Variants in TOX observed in about 807,000 individuals in gnomAD.
The protein encoded by TOX is thymocyte selection associated high mobility group box, also known as thymocyte selection-associated high mobility group box protein TOX.
In TOX, 11 loss-of-function variants were observed where a neutral mutation model predicts 53.7. That is an observed-to-expected ratio of 0.20 (90% CI 0.13 to 0.34). The LOEUF (loss-of-function observed/expected upper bound fraction) is 0.34. Among genes scored for constraint, TOX ranks in the 10% least tolerant of loss-of-function variants. The pLI is 1.00. For synonymous variants in TOX, 225 were observed against 245.3 expected (o/e 0.92, Z 0.77); for missense variants, 570 against 664.6 (o/e 0.86, Z 1.56).
At chr8:58,863,635 CAAA>C (rs960059496) in intron 3 of TOX, among the ~76,000 whole-genome samples, 5 of 152,120 alleles carry the variant, frequency 3.3e-5, no homozygotes, top group Non-Finnish European at 7.4e-5. Flanking sequence ...GTTCTTTAAA[CAAA>C]AGATAGTTGG....
intron 1 of TOX, among the ~76,000 whole-genome samples, chr8:59,044,479 T>C (rs1332511706): frequency 6.6e-6 from 1 of 152,182 alleles, no homozygotes; most frequent in African/African-American, 2.4e-5. Flanking sequence ...CAGGCTACGA[T>C]GATGCCTCCA....
intron 1 of TOX, among the ~76,000 whole-genome samples, chr8:58,989,260 G>A (rs1289108939): frequency 1.3e-5 from 2 of 151,850 alleles, no homozygotes; most frequent in South Asian, 4.2e-4. Flanking sequence ...AGGTGGCAGG[G>A]AGCCGAGATC....
At chr8:58,816,232 C>T (rs1309428272) in intron 6 of TOX, among the ~76,000 whole-genome samples, 1 of 152,158 alleles carries the variant, frequency 6.6e-6, no homozygotes, top group African/African-American at 2.4e-5. Flanking sequence ...TATGGGAGAA[C>T]AGAGTTCTAA....
chr8:58,817,851 T>C (rs1175051421), intron 6 of TOX, among the ~76,000 whole-genome samples: 1 of 152,168 alleles, frequency 6.6e-6, no homozygotes, highest in African/African-American at 2.4e-5. Context: ...AAAATATGTG[T>C]AACTGTAAAA....
chr8:59,028,564 T>A (rs1304560754), intron 1 of TOX, among the ~76,000 whole-genome samples: 2 of 151,914 alleles, frequency 1.3e-5, no homozygotes, highest in African/African-American at 4.8e-5. Context: ...GATACATGCA[T>A]ACATACATAC....
At position 59,068,460 on chromosome 8, in the gene TOX, G is replaced by A. The variant is rs889700617; in HGVS notation, c.102+50426C>T. Among the ~76,000 whole-genome samples the A allele has an allele frequency of 2.7e-5, 4 of 150,722 alleles. No individual in the cohort carries two copies. In the South Asian group the frequency reaches 6.3e-4, roughly 24 times the overall value. Reference sequence around the variant, plus strand: ...AAAAGAGGAAAACGAAGAGAAGAAAGAAGAGAAAAAGGAAAACAAGAAGAG... The same window carrying A: ...AAAAGAGGAAAACGAAGAGAAGAAAAAAGAGAAAAAGGAAAACAAGAAGAG... On this transcript the variant is annotated intron_variant, in intron 1 of 8. Coordinates refer to ENST00000361421, the MANE Select transcript of TOX (RefSeq NM_014729.3).
intron 7 of TOX, 129 bp from the exon 8 acceptor site, chr8:58,808,398 C>G (rs989322888): frequency 1.7e-6 from 2 of 1,153,894 alleles, no homozygotes; most frequent in Non-Finnish European, 2.3e-6. Flanking sequence ...GCAAGCCTGT[C>G]GGAAGAGCCC....
chr8:58,830,731 T>G (rs1404022635), intron 5 of TOX, among the ~76,000 whole-genome samples: 4 of 152,124 alleles, frequency 2.6e-5, no homozygotes, highest in Non-Finnish European at 4.4e-5. Context: ...TTTACAATAA[T>G]AAGAAGAAAA....
chr8:59,111,473 C>A (rs1364894933), intron 1 of TOX, among the ~76,000 whole-genome samples: 2 of 151,966 alleles, frequency 1.3e-5, no homozygotes, highest in African/African-American at 2.4e-5. Flanking sequence ...AGGAAGTCTG[C>A]CATTTAGGAT....
At chr8:58,998,529 A>AAACT (rs1242406325) in intron 1 of TOX, among the ~76,000 whole-genome samples, 2 of 15,856 alleles carry the variant, frequency 1.3e-4, no homozygotes, top group East Asian at 3.6e-3. Context: ...ATATATATAT[A>AAACT]TATATATATA....
chr8:58,934,049 C>T (rs1812304338), intron 3 of TOX, among the ~76,000 whole-genome samples: 1 of 152,172 alleles, frequency 6.6e-6, no homozygotes, highest in Admixed American at 6.6e-5. Context: ...CAAAATAACT[C>T]AGAGGAATGT....
chr8:58,954,768 CAAA>C (rs1812682948), intron 2 of TOX, among the ~76,000 whole-genome samples: 1 of 152,078 alleles, frequency 6.6e-6, no homozygotes, highest in African/African-American at 2.4e-5. Flanking sequence ...AGAGTTAGGC[CAAA>C]AAGTAGAATC....
rs777913462 is a variant in TOX at position 59,118,349 on chromosome 8, A to T, written c.102+537T>A. On this transcript the variant is annotated intron_variant, in intron 1 of 8. Coordinates refer to ENST00000361421, the MANE Select transcript of TOX (RefSeq NM_014729.3). This position sits in a 1 kb window ranked among gnomAD's most constrained non-coding sequence, Gnocchi z 4.1. ...GCTGCCGGAACCGGTTTGAGAAAAC[A>T]AAAGAGTTGTGGGGCAGTTTTCCCT... Among the ~76,000 whole-genome samples the T allele has an allele frequency of 2.0e-5, 3 of 151,316 alleles. No individual in the cohort carries two copies. Among genetic ancestry groups the T allele is most frequent in the Non-Finnish European group, 4.4e-5 (3 of 67,976 alleles).
chr8:59,101,627 C>G (rs780684744), intron 1 of TOX, among the ~76,000 whole-genome samples: 4 of 152,142 alleles, frequency 2.6e-5, no homozygotes, highest in Non-Finnish European at 5.9e-5. Flanking sequence ...AAGGCAAAAT[C>G]TAAAACGCTT....
chr8:58,999,128 A>C (rs1445749841), intron 1 of TOX, among the ~76,000 whole-genome samples: 3 of 152,216 alleles, frequency 2.0e-5, no homozygotes, highest in South Asian at 2.1e-4. Flanking sequence ...AGTTTTTCGC[A>C]CTTCTTCTTA....
chr8:58,923,171 C>G (rs1277366947), intron 3 of TOX, among the ~76,000 whole-genome samples: 1 of 152,076 alleles, frequency 6.6e-6, no homozygotes, highest in Non-Finnish European at 1.5e-5. Context: ...CTAAAAAGGT[C>G]ACACTGACTC....
At chr8:59,067,742 A>C (rs769173380) in intron 1 of TOX, among the ~76,000 whole-genome samples, 1 of 151,362 alleles carries the variant, frequency 6.6e-6, no homozygotes, top group Non-Finnish European at 1.5e-5. Flanking sequence ...ATGGTTAAAA[A>C]CTCCATCCCT....
chr8:59,118,574 C>T lies in TOX; in HGVS notation c.102+312G>A, dbSNP rs1805150211. Reference sequence around the variant, plus strand: ...ACCCCAGACACACCCCCAAAGTATTCCACGGTTTTCTCTTATTATTTTTTT... The same window carrying T: ...ACCCCAGACACACCCCCAAAGTATTTCACGGTTTTCTCTTATTATTTTTTT... On this transcript the variant is annotated intron_variant, in intron 1 of 8. Transcript: ENST00000361421. The surrounding 1 kb of genome is among the most constrained non-coding windows in gnomAD (Gnocchi z 4.1). Among the ~76,000 whole-genome samples, 1 of 152,308 alleles carries T rather than the reference C, an allele frequency of 6.6e-6. No individual in the cohort carries two copies. The highest frequency in any genetic ancestry group is 2.1e-4 in the South Asian group (1 of 4,826).
At chr8:59,062,557 A>G (rs1279128605) in intron 1 of TOX, among the ~76,000 whole-genome samples, 1 of 152,232 alleles carries the variant, frequency 6.6e-6, no homozygotes, top group Non-Finnish European at 1.5e-5. Flanking sequence ...CTTCAATAGA[A>G]TGGCTCTTTC....
Sources: allele counts gnomAD v4.1 joint callset (sites outside exome capture counted in the v4.1 genomes callset), GRCh38; gene constraint gnomAD v4.1.1; non-coding constraint Gnocchi (gnomAD v3.1); transcripts MANE v1.5; gene names NCBI Gene and HGNC (gene_info 2026-07-23, HGNC 2026-07-21).